RALYL: variants seen among roughly 807,000 people sequenced by gnomAD.
The protein encoded by RALYL is RNA-binding Raly-like protein.
RALYL carries 29 observed loss-of-function variants against 35.1 expected under a neutral mutation model. The ratio of observed to expected loss-of-function variants is 0.83; its 90% CI spans 0.61 to 1.13. The LOEUF is 1.13. Ranked by LOEUF, RALYL falls within the 50% of genes most tolerant of loss-of-function variation. The pLI is 0.00. For missense variants in RALYL, 359 were observed against 360.4 expected (o/e 1.00, Z 0.03); for synonymous variants, 120 against 127.6 (o/e 0.94, Z 0.40).
At chr8:84,287,563 A>AC (rs1308245713) in intron 1 of RALYL, among the ~76,000 whole-genome samples, 1 of 152,124 alleles carries the variant, frequency 6.6e-6, no homozygotes, top group Non-Finnish European at 1.5e-5. Flanking sequence ...AGGAGAGTGT[A>AC]GGGAGAATAG....
intron 1 of RALYL, among the ~76,000 whole-genome samples, chr8:84,343,235 T>G (rs1849186970): frequency 6.6e-6 from 1 of 152,142 alleles, no homozygotes; most frequent in Non-Finnish European, 1.5e-5. Flanking sequence ...CATAGTGGTA[T>G]GAAATATTAG....
chr8:84,756,984 C>T (rs2133306853), intron 2 of RALYL, among the ~76,000 whole-genome samples: 1 of 152,114 alleles, frequency 6.6e-6, no homozygotes, highest in East Asian at 1.9e-4. Context: ...TTAAAATTCC[C>T]TGTCATGCTA....
intron 2 of RALYL, among the ~76,000 whole-genome samples, chr8:84,756,118 A>G (rs1246243026): frequency 6.6e-6 from 1 of 152,112 alleles, no homozygotes; most frequent in Non-Finnish European, 1.5e-5. Context: ...GTCTGTACCA[A>G]TATACCATGG....
chr8:84,315,222 C>A (rs1430286962), intron 1 of RALYL, among the ~76,000 whole-genome samples: 1 of 152,040 alleles, frequency 6.6e-6, no homozygotes, highest in Non-Finnish European at 1.5e-5. Flanking sequence ...TGCATATTCC[C>A]ATATATATAA....
chr8:84,642,528 A>G (rs76267964), intron 2 of RALYL, among the ~76,000 whole-genome samples: 1,564 of 152,166 alleles, frequency 0.01, 33 homozygotes, highest in African/African-American at 0.035. Flanking sequence ...AGAGAGCTTT[A>G]GAAGATTCCA....
intron 2 of RALYL, among the ~76,000 whole-genome samples, chr8:84,693,828 G>A (rs1159058693): frequency 2.6e-5 from 4 of 151,840 alleles, no homozygotes; most frequent in African/African-American, 4.8e-5. Flanking sequence ...ATCAATAAAT[G>A]TGATTCACCG....
At chr8:84,842,758 T>C (rs537648483) in intron 4 of RALYL, among the ~76,000 whole-genome samples, 1 of 152,080 alleles carries the variant, frequency 6.6e-6, no homozygotes, top group Non-Finnish European at 1.5e-5. Context: ...CACATCAAAA[T>C]GCTTATCCAC....
At chr8:84,503,748 C>T (rs1364238110) in intron 1 of RALYL, among the ~76,000 whole-genome samples, 1 of 150,342 alleles carries the variant, frequency 6.7e-6, no homozygotes, top group East Asian at 2.0e-4. Context: ...ACTCTGAAGG[C>T]TGAGGCAGGA....
intron 2 of RALYL, among the ~76,000 whole-genome samples, chr8:84,600,162 AT>A (rs2130726429): frequency 6.6e-6 from 1 of 152,158 alleles, no homozygotes; most frequent in South Asian, 2.1e-4. Flanking sequence ...TTGCTTTAAT[AT>A]TGGTTTTACT....
intron 2 of RALYL, among the ~76,000 whole-genome samples, chr8:84,577,905 A>G (rs990455218): frequency 3.9e-5 from 6 of 152,236 alleles, no homozygotes; most frequent in African/African-American, 1.4e-4. Context: ...TTAACTTAAT[A>G]AAATAAAGTA....
chr8:84,506,943 A>G (rs2057220305), intron 1 of RALYL, among the ~76,000 whole-genome samples: 1 of 152,056 alleles, frequency 6.6e-6, no homozygotes, highest in South Asian at 2.1e-4. Flanking sequence ...GCCCAATTTA[A>G]CCATAAATTG....
chr8:84,635,116 A>G (rs1378402988), intron 2 of RALYL, among the ~76,000 whole-genome samples: 1 of 151,806 alleles, frequency 6.6e-6, no homozygotes, highest in Non-Finnish European at 1.5e-5. Context: ...AACTGATTGA[A>G]CATTTACAGT....
chr8:84,908,637 A>G lies in RALYL; in HGVS notation c.859-12257A>G, dbSNP rs576018921. Among the ~76,000 whole-genome samples the G allele has an allele frequency of 8.5e-4, 129 of 152,288 alleles. 4 individuals are homozygous for G. In the South Asian group the frequency reaches 0.026, roughly 31 times the overall value. ...CTCAGGTAGATGCTACAGCTTGACT[A>G]TTGTGAATAATGCCACAATAAATAT... is the stretch of plus-strand genomic sequence containing the variant. On this transcript the variant is annotated intron_variant, in intron 8 of 8. Transcript: ENST00000521268.
intron 2 of RALYL, among the ~76,000 whole-genome samples, chr8:84,723,394 T>A (rs1844359772): frequency 6.6e-6 from 1 of 152,036 alleles, no homozygotes; most frequent in Admixed American, 6.6e-5. Context: ...ATCACATGCA[T>A]CACACTTAAT....
chr8:84,456,233 T>C (rs546274327), intron 1 of RALYL, among the ~76,000 whole-genome samples: 1 of 151,986 alleles, frequency 6.6e-6, no homozygotes, highest in Non-Finnish European at 1.5e-5. Context: ...CCAAAAGTTT[T>C]TGAATACATT....
chr8:84,619,580 T>G (rs1447113925), intron 2 of RALYL, among the ~76,000 whole-genome samples: 2 of 147,444 alleles, frequency 1.4e-5, no homozygotes, highest in Non-Finnish European at 3.0e-5. Flanking sequence ...ATTGGAGCAT[T>G]TAGTCCATTT....
At chr8:84,739,581 A>G in intron 2 of RALYL, among the ~76,000 whole-genome samples, 1 of 151,796 alleles carries the variant, frequency 6.6e-6, no homozygotes, top group East Asian at 1.9e-4. Flanking sequence ...TATTTCATAT[A>G]TATATATCCA....
intron 2 of RALYL, among the ~76,000 whole-genome samples, chr8:84,628,047 T>C (rs550303713): frequency 4.3e-4 from 66 of 152,232 alleles, no homozygotes; most frequent in Middle Eastern, 3.4e-3. Context: ...TTTAAAAATA[T>C]AAATACAACT....
intron 2 of RALYL, among the ~76,000 whole-genome samples, chr8:84,552,009 C>G (rs888299634): frequency 6.6e-6 from 1 of 151,856 alleles, no homozygotes; most frequent in Non-Finnish European, 1.5e-5. Flanking sequence ...CATGCATGTG[C>G]ACACATACAC....
Sources: gnomAD v4.1 joint callset for allele counts (sites outside exome capture counted in the v4.1 genomes callset) on GRCh38, gnomAD v4.1.1 for gene constraint, MANE v1.5 for transcripts, NCBI Gene and HGNC (gene_info 2026-07-23, HGNC 2026-07-21) for gene names.